Variants in CTNNA3 observed in about 807,000 individuals in gnomAD.
CTNNA3 encodes catenin alpha 3, also known as catenin alpha-3.
Under a neutral mutation model 95.7 loss-of-function variants are expected in CTNNA3, and 76 were observed. The ratio of observed to expected loss-of-function variants is 0.79; its 90% CI spans 0.66 to 0.96. CTNNA3 has a LOEUF of 0.96. CTNNA3 is among the 40% of genes least tolerant of loss of function. The probability of loss-of-function intolerance (pLI) is 0.00; values close to 1 mark genes in which losing one functional copy is unlikely to be tolerated. For synonymous variants in CTNNA3, 431 were observed against 374.4 expected (o/e 1.15, Z -1.74); for missense variants, 1,191 against 1,089.8 (o/e 1.09, Z -1.31).
intron 5 of CTNNA3, among the ~76,000 whole-genome samples, chr10:67,446,287 T>A (rs1846744829): frequency 2.0e-5 from 3 of 152,094 alleles, no homozygotes. Flanking sequence ...TACTCCCTAG[T>A]CCACCCCTGA....
chr10:67,067,356 G>A (rs559519515), intron 7 of CTNNA3, among the ~76,000 whole-genome samples: 1 of 152,206 alleles, frequency 6.6e-6, no homozygotes, highest in East Asian at 1.9e-4. Flanking sequence ...TAAGCAAAAA[G>A]TTACTAACCC....
chr10:66,499,883 A>G (rs1263030737), intron 11 of CTNNA3, among the ~76,000 whole-genome samples: 2 of 151,536 alleles, frequency 1.3e-5, no homozygotes, highest in East Asian at 3.9e-4. Context: ...GCTCACTGCA[A>G]AATCTGCCTC....
intron 3 of CTNNA3, among the ~76,000 whole-genome samples, chr10:67,554,512 T>G (rs1011534812): frequency 3.9e-4 from 59 of 152,200 alleles, no homozygotes; most frequent in Non-Finnish European, 4.7e-4. Flanking sequence ...GGCCAGTGAT[T>G]GTGAGCATTT....
At chr10:67,595,775 T>TCTGTAAGAA (rs1842917915) in intron 3 of CTNNA3, among the ~76,000 whole-genome samples, 1 of 152,180 alleles carries the variant, frequency 6.6e-6, no homozygotes, top group African/African-American at 2.4e-5. Context: ...TCTTTATAGG[T>TCTGTAAGAA]CTGTAAGAAC....
chr10:67,501,099 G>A (rs1408858985), intron 5 of CTNNA3, among the ~76,000 whole-genome samples: 1 of 152,178 alleles, frequency 6.6e-6, no homozygotes, highest in East Asian at 1.9e-4. Flanking sequence ...GCAGTGGCTG[G>A]TACCAGTTTT....
At position 66,448,973 on chromosome 10, in the gene CTNNA3, GTC is replaced by G. The variant is rs1415907881; in HGVS notation, c.1532-69623_1532-69622del. Among the ~76,000 whole-genome samples the G allele has an allele frequency of 2.6e-5, 4 of 151,892 alleles. No individual in the cohort carries two copies. The East Asian group carries it at 7.7e-4, about 29-fold the overall frequency. Reference sequence around the variant, plus strand: ...AGATTGGCTAAGAGTAAATCCATATGTCTCTTTCTTTTTGAAAGATTTACTAG... The same window carrying G: ...AGATTGGCTAAGAGTAAATCCATATGTCTTTCTTTTTGAAAGATTTACTAG... On this transcript the variant is annotated intron_variant, in intron 11 of 17. Transcript: ENST00000433211.
chr10:67,572,841 A>G (rs1842021396), intron 3 of CTNNA3, among the ~76,000 whole-genome samples: 1 of 152,192 alleles, frequency 6.6e-6, no homozygotes, highest in Non-Finnish European at 1.5e-5. Context: ...TAATGCCAGT[A>G]CTTTGGGAGG....
At chr10:67,396,361 C>A in intron 5 of CTNNA3, among the ~76,000 whole-genome samples, 1 of 152,176 alleles carries the variant, frequency 6.6e-6, no homozygotes, top group South Asian at 2.1e-4. Context: ...TAGATATTAT[C>A]ATTATTAATA....
At chr10:66,025,757 TACTAAAA>T (rs762960731) in intron 15 of CTNNA3, among the ~76,000 whole-genome samples, 1 of 152,178 alleles carries the variant, frequency 6.6e-6, no homozygotes, top group African/African-American at 2.4e-5. Flanking sequence ...TATCAAGCCC[TACTAAAA>T]ACAGACATTT....
chr10:66,978,526 CAA>C (rs1170594360), intron 7 of CTNNA3, among the ~76,000 whole-genome samples: 12 of 42,322 alleles, frequency 2.8e-4, no homozygotes, highest in African/African-American at 1.2e-3. Flanking sequence ...GACTCCATCT[CAA>C]AAAAAAAAAA....
chr10:66,652,782 A>G (rs1174613101), intron 9 of CTNNA3, among the ~76,000 whole-genome samples: 3 of 152,144 alleles, frequency 2.0e-5, no homozygotes, highest in African/African-American at 7.2e-5. Context: ...ATTTAAAGGA[A>G]CATTTATCAT....
At position 65,931,230 on chromosome 10, in the gene CTNNA3, A is replaced by T. The variant is rs114726601; in HGVS notation, c.2401-10613T>A. 8.1e-3 allele frequency among the ~76,000 whole-genome samples: 1,237 copies of T among 152,334 alleles called. 18 individuals are homozygous for T. Among genetic ancestry groups the T allele is most frequent in the African/African-American group, 0.029 (1,188 of 41,576 alleles). ...TTAGACAATTGCAACAACAAAATCA[A>T]TGATAAAGGTACCAGTTTTCAGGGC... On this transcript the variant is annotated intron_variant, in intron 17 of 17. Transcript: ENST00000433211.
chr10:67,375,072 C>A (rs530708068), intron 5 of CTNNA3, among the ~76,000 whole-genome samples: 22 of 152,130 alleles, frequency 1.4e-4, no homozygotes, highest in African/African-American at 5.3e-4. Flanking sequence ...ATTATCCTGC[C>A]CAAATTATTT....
intron 10 of CTNNA3, among the ~76,000 whole-genome samples, chr10:66,549,246 T>C (rs1842139869): frequency 6.6e-6 from 1 of 152,032 alleles, no homozygotes; most frequent in Non-Finnish European, 1.5e-5. Context: ...TGCCCGCCTC[T>C]GTCTCCACCA....
intron 7 of CTNNA3, among the ~76,000 whole-genome samples, chr10:66,987,668 T>C (rs1189992179): frequency 2.0e-5 from 3 of 152,194 alleles, no homozygotes; most frequent in Non-Finnish European, 2.9e-5. Flanking sequence ...AACACCATTT[T>C]TCCATTCAAA....
chr10:66,905,454 C>T (rs1296905532), intron 7 of CTNNA3, among the ~76,000 whole-genome samples: 3 of 152,198 alleles, frequency 2.0e-5, no homozygotes, highest in Non-Finnish European at 4.4e-5. Context: ...AGCCAACATG[C>T]CACATGTATG....
intron 5 of CTNNA3, among the ~76,000 whole-genome samples, chr10:67,387,888 C>T (rs369873352): frequency 6.6e-6 from 1 of 152,078 alleles, no homozygotes; most frequent in Non-Finnish European, 1.5e-5. Context: ...AGAAAGGACA[C>T]CCACACCAAA....
intron 5 of CTNNA3, among the ~76,000 whole-genome samples, chr10:67,312,309 G>T (rs1589153974): frequency 3.9e-5 from 6 of 152,196 alleles, no homozygotes; most frequent in African/African-American, 1.4e-4. Context: ...CTGACCTCAT[G>T]ATCTGCCTGC....
chr10:66,121,455 A>G (rs1167682544), intron 13 of CTNNA3, among the ~76,000 whole-genome samples: 4 of 151,528 alleles, frequency 2.6e-5, no homozygotes, highest in Non-Finnish European at 5.9e-5. Flanking sequence ...TCTTTTTTTA[A>G]TACAACATAC....
Sources: gnomAD v4.1 joint callset for allele counts (sites outside exome capture counted in the v4.1 genomes callset) on GRCh38, gnomAD v4.1.1 for gene constraint, MANE v1.5 for transcripts, NCBI Gene and HGNC (gene_info 2026-07-23, HGNC 2026-07-21) for gene names.